The following ADCY9 variants were observed in gnomAD, a reference collection of about 807,000 sequenced individuals.
The protein encoded by ADCY9 is adenylate cyclase 9, also known as adenylate cyclase type 9.
Under a neutral mutation model 101.5 loss-of-function variants are expected in ADCY9, and 50 were observed. That is an observed-to-expected ratio of 0.49 (90% CI 0.39 to 0.62). The LOEUF is 0.62. Ranked by LOEUF, ADCY9 falls within the 20% of genes least tolerant of loss-of-function variation. The pLI is 0.00. For synonymous variants in ADCY9, 905 were observed against 769.3 expected, an observed-to-expected ratio of 1.18 and a Z score of -2.92; for missense variants, 1,662 against 1,800.4, an observed-to-expected ratio of 0.92 and a Z score of 1.39.
chr16:4,012,258 T>A (rs2056409189), intron 2 of ADCY9, among the ~76,000 whole-genome samples: 1 of 152,186 alleles, frequency 6.6e-6, no homozygotes. Context: ...TGAAACCTTT[T>A]GTCAGAACCA....
At position 3,992,411 on chromosome 16, in the gene ADCY9, G is replaced by T. The variant is rs374871114; in HGVS notation, c.1990-48C>A. Reference sequence around the variant, plus strand: ...CAGACACGGGAAGTGAAGTGGCACCGGGCACTGGGCACACACGCCTGTCCC... The same window carrying T: ...CAGACACGGGAAGTGAAGTGGCACCTGGCACTGGGCACACACGCCTGTCCC... On this transcript the variant is annotated intron_variant, in intron 4 of 10. Transcript: ENST00000294016. The surrounding 1 kb of genome is among the most constrained non-coding windows in gnomAD (Gnocchi z 4.2). 1.3e-6 allele frequency: 2 copies of T among 1,541,170 alleles called. No individual in the cohort carries two copies. The highest frequency in any genetic ancestry group is 1.1e-5 in the South Asian group (1 of 87,144).
chr16:3,973,131 G>C (rs974313965), intron 10 of ADCY9, among the ~76,000 whole-genome samples: 2 of 152,090 alleles, frequency 1.3e-5, no homozygotes, highest in South Asian at 4.1e-4. Context: ...CATTTTAACA[G>C]TTGTATTATT....
rs2055981417 is a variant in ADCY9, at chr16:3,965,487, C to G, written c.*288G>C. 1 of 465,930 alleles carries G rather than the reference C, an allele frequency of 2.1e-6. No homozygotes were observed. The highest frequency in any genetic ancestry group is 1.9e-5 in the African/African-American group (1 of 51,462). The allele number at this position is 465,930 out of a possible 1,614,324, so 28.9% of individuals were successfully genotyped here. On this transcript the variant is annotated 3_prime_UTR_variant, in exon 11 of 11. Transcript: ENST00000294016. ...AAGCCATGATCTCCACTGGCGGCCT[C>G]TGTCCCGAGACTCGAGGCCGAGGCC...
At chr16:3,996,255 G>C (rs183004870) in intron 3 of ADCY9, among the ~76,000 whole-genome samples, 15 of 152,228 alleles carry the variant, frequency 9.9e-5, no homozygotes, top group African/African-American at 2.9e-4. Flanking sequence ...CCAGCCACTC[G>C]GGAGGCTGAG....
chr16:4,091,734 T>C (rs969628063), intron 2 of ADCY9, among the ~76,000 whole-genome samples: 9 of 152,122 alleles, frequency 5.9e-5, no homozygotes, highest in Admixed American at 5.9e-4. Context: ...CGATTCCAAG[T>C]ATAAGAAACG....
At chr16:4,031,507 C>T (rs914139617) in intron 2 of ADCY9, among the ~76,000 whole-genome samples, 5 of 152,084 alleles carry the variant, frequency 3.3e-5, no homozygotes, top group African/African-American at 7.2e-5. Context: ...ATGTTAACCA[C>T]GGGTCAATCA....
rs2141704628 is a variant in ADCY9, at chr16:3,993,418, T to A, written c.1977A>T (p.Lys659Asn). 2 of 1,614,126 alleles carry A rather than the reference T, an allele frequency of 1.2e-6. No individual in the cohort carries two copies. The highest frequency in any genetic ancestry group is 1.7e-6 in the Non-Finnish European group (2 of 1,179,954). Residue 659 changes from lysine to asparagine, a missense_variant, in exon 4 of 11, where the codon AAA becomes AAT. Coordinates refer to ENST00000294016, the MANE Select transcript of ADCY9 (RefSeq NM_001116.4). ...APQNGCQDEH[K>N]NSTKASGGPN... The stretch of plus-strand genomic sequence containing the variant: ...ATGAGCTTGTTACCTTGGTGCTGTT[T>A]TTATGCTCGTCTTGGCAGCCGTTTT...
At position 4,113,972 on chromosome 16, in the gene ADCY9, G is replaced by T; in HGVS notation, c.1471C>A (p.His491Asn). ...ATGCCGCAAAGGACGGTGCCCGTGT[G>T]CACCCCGACTCTCATGTTCACCATC... ...KEMVNMRVGV[H>N]TGTVLCGILG... The change falls in exon 2 of 11, where the codon CAC becomes AAC. Residue 491 changes from histidine (H) to asparagine (N), a missense_variant. His to Asn is a moderately conservative substitution (Grantham distance 68). Transcript: ENST00000294016. The T allele has an allele frequency of 1.2e-6, 2 of 1,613,952 alleles. No individual in the cohort carries two copies. The highest frequency in any genetic ancestry group is 1.7e-6 in the Non-Finnish European group (2 of 1,180,030).
At chr16:3,958,559 A>G (rs1233883012), downstream of ADCY9, among the ~76,000 whole-genome samples, 8 of 148,160 alleles carry the variant, frequency 5.4e-5, no homozygotes, top group South Asian at 4.3e-4. Context: ...AAAAAAAAAA[A>G]AAAGAAAAAC....
chr16:4,056,577 C>G (rs555182422), intron 2 of ADCY9, among the ~76,000 whole-genome samples: 1 of 152,002 alleles, frequency 6.6e-6, no homozygotes, highest in Non-Finnish European at 1.5e-5. Context: ...AAGGGGCTTT[C>G]GTCCTCCTAG....
intron 2 of ADCY9, among the ~76,000 whole-genome samples, chr16:4,097,491 C>CAA (rs1567146888): frequency 1.2e-5 from 1 of 81,194 alleles, no homozygotes; most frequent in East Asian, 3.1e-4. Context: ...TATATATACA[C>CAA]ACACACACAC....
At chr16:4,022,229 T>C (rs974816575) in intron 2 of ADCY9, among the ~76,000 whole-genome samples, 3 of 152,148 alleles carry the variant, frequency 2.0e-5, no homozygotes, top group African/African-American at 4.8e-5. Context: ...TGGTGGCTCA[T>C]GCTTGTAATC....
At chr16:4,040,694 T>G (rs887123141) in intron 2 of ADCY9, among the ~76,000 whole-genome samples, 2 of 152,168 alleles carry the variant, frequency 1.3e-5, no homozygotes, top group Admixed American at 1.3e-4. Context: ...TGACCTCAGG[T>G]GATCCACCCG....
rs79594099 is a variant in ADCY9, at chr16:4,065,139, G to T, written c.1693+48611C>A. On this transcript the variant is annotated intron_variant, in intron 2 of 10. Transcript: ENST00000294016. ...TGTGCCAGACCAGAAGCTACTATTG[G>T]AAAATGCCCCTCTCTCGTCATGTCG... is the stretch of plus-strand genomic sequence containing the variant. Among the ~76,000 whole-genome samples, 903 of 152,264 alleles carry T rather than the reference G, an allele frequency of 5.9e-3. 7 individuals are homozygous for T. Among genetic ancestry groups the T allele is most frequent in the Non-Finnish European group, 8.3e-3 (566 of 68,022 alleles).
In ADCY9 at chr16:3,979,221, C is replaced by G. The variant is rs760409676; in HGVS notation, c.2574G>C (p.Trp858Cys). The G allele has an allele frequency of 1.4e-5, 22 of 1,614,088 alleles. No individual in the cohort carries two copies. The highest frequency in any genetic ancestry group is 1.8e-5 in the Non-Finnish European group (21 of 1,180,022). ...AGTGACGTGGTAGCCAGCCGGCGAT[C>G]CACTCCAGCAGGCGCTTGGTGCAGG... ...VMACTKRLLE[W>C]IAGWLPRHCI... The change falls in exon 8 of 11, where the codon TGG becomes TGC. Residue 858 changes from tryptophan (W) to cysteine (C), a missense_variant. Around this residue, in one of 5 missense-constraint regions of ADCY9, gnomAD observed 624 missense variants for 639.1 expected, o/e 0.98. Coordinates refer to ENST00000294016, the MANE Select transcript of ADCY9 (RefSeq NM_001116.4).
intron 3 of ADCY9, among the ~76,000 whole-genome samples, chr16:4,003,434 C>T (rs1013962525): frequency 1.3e-5 from 2 of 152,178 alleles, no homozygotes; most frequent in Non-Finnish European, 2.9e-5. Flanking sequence ...TTCTTCTCAG[C>T]CCTGGCGTCC....
intron 2 of ADCY9, among the ~76,000 whole-genome samples, chr16:4,103,635 G>T (rs1044965380): frequency 1.3e-5 from 2 of 152,158 alleles, no homozygotes; most frequent in Non-Finnish European, 2.9e-5. Flanking sequence ...TTCAAGACCA[G>T]CCTGGCCAAT....
intron 5 of ADCY9, among the ~76,000 whole-genome samples, chr16:3,989,533 C>G (rs984219448): frequency 2.0e-5 from 3 of 152,138 alleles, no homozygotes; most frequent in African/African-American, 7.2e-5. Flanking sequence ...CGCCTGCCAC[C>G]GCACCCAGCT....
In ADCY9 at chr16:4,115,114, G is replaced by C; in HGVS notation, c.329C>G (p.Pro110Arg). ...ATACCGGAACCGGCGCTGGGTCTGC[G>C]GGAAGCAGCGCTCCAGGCAGGCCTC... Reference protein sequence around the residue: ...LEEACLERCFPQTQRRFRYAL... With the variant: ...LEEACLERCFRQTQRRFRYAL... The change falls in exon 2 of 11, where the codon CCG (proline) becomes CGG (arginine). Residue 110 changes from proline to arginine, a missense_variant. Physicochemically the swap from Pro to Arg is moderately radical, Grantham distance 103. Transcript: ENST00000294016. This position sits in a 1 kb window ranked among gnomAD's most constrained non-coding sequence, Gnocchi z 6.2. 6.2e-7 allele frequency: 1 copy of C among 1,613,842 alleles called. No individual in the cohort carries two copies. Among genetic ancestry groups the C allele is most frequent in the Non-Finnish European group, 8.5e-7 (1 of 1,180,036 alleles).
Sources: gnomAD v4.1 joint callset for allele counts (sites outside exome capture counted in the v4.1 genomes callset) on GRCh38, gnomAD v4.1.1 for gene constraint, gnomAD v4.1.1 regional missense constraint, Gnocchi (gnomAD v3.1) non-coding constraint, MANE v1.5 for transcripts, NCBI Gene and HGNC (gene_info 2026-07-23, HGNC 2026-07-21) for gene names.